Variants in ZNF280C observed in about 807,000 individuals in gnomAD.
ZNF280C encodes zinc finger protein 280C.
A neutral mutation model predicts 53.6 loss-of-function variants in ZNF280C; 14 were observed. The ratio of observed to expected loss-of-function variants is 0.26; its 90% confidence interval spans 0.17 to 0.41. ZNF280C has a LOEUF of 0.41. Among genes scored for constraint, ZNF280C ranks in the 10% least tolerant of loss-of-function variants. The pLI, the probability that ZNF280C is intolerant of heterozygous loss-of-function variation, is 1.00. For synonymous variants in ZNF280C, 203 were observed against 181.1 expected, an observed-to-expected ratio of 1.12 and a Z score of -0.97; for missense variants, 416 against 547.1, an observed-to-expected ratio of 0.76 and a Z score of 2.39.
chrX:130,212,617 T>G (rs1425647476), intron 15 of ZNF280C, among the ~76,000 whole-genome samples: 7 of 5,692 alleles, frequency 1.2e-3, no homozygotes, highest in Non-Finnish European at 2.3e-3. Context: ...GTAGGTGGCG[T>G]TGGGGGGTGG....
intron 10 of ZNF280C, among the ~76,000 whole-genome samples, chrX:130,228,317 CTT>C (rs2032241182): frequency 8.9e-6 from 1 of 111,879 alleles, no homozygotes; most frequent in Non-Finnish European, 1.9e-5. Flanking sequence ...GAGTCTCGCT[CTT>C]GTTGCCCAGG....
intron 2 of ZNF280C, among the ~76,000 whole-genome samples, chrX:130,250,660 G>A (rs774788475): frequency 8.9e-6 from 1 of 111,975 alleles, no homozygotes; most frequent in Non-Finnish European, 1.9e-5. Flanking sequence ...TCAAAAAAAG[G>A]TGAGAACCAG....
chrX:130,233,555 G>A (rs1481811812), intron 8 of ZNF280C, among the ~76,000 whole-genome samples: 2 of 105,905 alleles, frequency 1.9e-5, no homozygotes, highest in East Asian at 5.9e-4. Context: ...GGTGGAGGTT[G>A]CGGTTGTGGT....
Position 130,243,782 on chromosome X carries a change from A to T in ZNF280C, c.244+18T>A. 1 of 1,177,893 alleles carries T rather than the reference A, an allele frequency of 8.5e-7. No individual in the cohort carries two copies. ...AAATATTTAACTTTAAAATTGAAATACTACAGTAATACTGTACCTGGACTG... is the reference window on the plus strand; with the variant it reads ...AAATATTTAACTTTAAAATTGAAATTCTACAGTAATACTGTACCTGGACTG... On this transcript the variant is annotated intron_variant, in intron 4 of 18. Coordinates refer to ENST00000370978, the MANE Select transcript of ZNF280C (RefSeq NM_017666.5).
At chrX:130,255,754 A>G (rs1376165955) in intron 2 of ZNF280C, among the ~76,000 whole-genome samples, 1 of 111,583 alleles carries the variant, frequency 9.0e-6, no homozygotes, top group Non-Finnish European at 1.9e-5. Flanking sequence ...CAGGAGTTCG[A>G]GACCAGCATG....
intron 5 of ZNF280C, among the ~76,000 whole-genome samples, chrX:130,241,655 C>T (rs1017290363): frequency 5.4e-5 from 6 of 111,638 alleles, no homozygotes; most frequent in Non-Finnish European, 1.1e-4. Flanking sequence ...GTCCCAGCTA[C>T]TTAGGAGGCT....
chrX:130,260,670 G>A (rs992982193), intron 1 of ZNF280C, among the ~76,000 whole-genome samples: 1 of 111,787 alleles, frequency 8.9e-6, no homozygotes, highest in Non-Finnish European at 1.9e-5. Flanking sequence ...TGTGGATTTT[G>A]TTAAATTAAA....
intron 2 of ZNF280C, 119 bp from the exon 3 acceptor site, chrX:130,247,124 A>C: frequency 1.3e-6 from 1 of 766,179 alleles, no homozygotes; most frequent in Non-Finnish European, 1.8e-6. Flanking sequence ...TACTGACTTG[A>C]TATTTGTTTG....
intron 12 of ZNF280C, among the ~76,000 whole-genome samples, chrX:130,225,584 T>C (rs2032212764): frequency 9.1e-6 from 1 of 110,163 alleles, no homozygotes; most frequent in Non-Finnish European, 1.9e-5. Context: ...GGAACACTTA[T>C]TAACATCTGA....
chrX:130,215,927 T>C lies in ZNF280C; in HGVS notation c.1702A>G (p.Thr568Ala), dbSNP rs778527656. Residue 568 changes from threonine (T) to alanine (A), a missense_variant, in exon 14 of 19, where the codon ACT (threonine) becomes GCT (alanine). Transcript: ENST00000370978. ...SRSKTSKLHA[T>A]TSTASKVNTS... ...TTAACTTTACTTGCAGTGGATGTAG[T>C]TGCATGAAGCTTACTTGTCTTAGAT... 3.3e-6 allele frequency: 4 copies of C among 1,211,624 alleles called. No homozygotes were observed. Among genetic ancestry groups the C allele is most frequent in the East Asian group, 3.0e-5 (1 of 33,836 alleles).
chrX:130,222,750 C>T (rs2032181841), intron 12 of ZNF280C, among the ~76,000 whole-genome samples: 1 of 111,601 alleles, frequency 9.0e-6, no homozygotes, highest in Admixed American at 9.5e-5. Flanking sequence ...CTGCAACCTC[C>T]GTCTCCTGGG....
rs769081281 is a variant in ZNF280C at position 130,236,177 on chromosome X, A to G, written c.771+37T>C. 3 of 983,887 alleles carry G rather than the reference A, an allele frequency of 3.0e-6. No homozygotes were observed. The South Asian group carries it at 6.5e-5, about 21-fold the overall frequency. 81.1% of individuals were successfully genotyped at this position (983,887 alleles called of 1,213,427 possible). A position where few individuals can be genotyped will look rare whatever the true frequency, so the allele number is the denominator to read the frequency against. On this transcript the variant is annotated intron_variant, in intron 8 of 18. Coordinates refer to ENST00000370978, the MANE Select transcript of ZNF280C (RefSeq NM_017666.5). ...TTTCAATATTTTCAAGGATCTATAAAACATTTTTAACAATTGAACTTTGAA... is the reference window on the plus strand; with the variant it reads ...TTTCAATATTTTCAAGGATCTATAAGACATTTTTAACAATTGAACTTTGAA...
intron 2 of ZNF280C, among the ~76,000 whole-genome samples, chrX:130,255,141 CTT>C (rs754125713): frequency 1.5e-4 from 14 of 91,159 alleles, no homozygotes; most frequent in African/African-American, 5.2e-4. Context: ...CTTTTTTTTT[CTT>C]TTTTTTTTTT....
In ZNF280C at chrX:130,242,003, G is replaced by C. The variant is rs780113232; in HGVS notation, c.381+1560C>G. On this transcript the variant is annotated intron_variant, in intron 5 of 18. Coordinates refer to ENST00000370978, the MANE Select transcript of ZNF280C (RefSeq NM_017666.5). ...GTAATTCCACACTTTGGGAAGCCGGGGGGGGGCGGGTGGCAGATCACCTGA... is the reference window on the plus strand; with the variant it reads ...GTAATTCCACACTTTGGGAAGCCGGCGGGGGGCGGGTGGCAGATCACCTGA... Among the ~76,000 whole-genome samples, 127 of 95,495 alleles carry C rather than the reference G, an allele frequency of 1.3e-3. 5 individuals are homozygous for C. The South Asian group carries it at 0.015, about 11-fold the overall frequency. The allele number at this position is 95,495 out of a possible 115,157, so 82.9% of individuals were successfully genotyped here. A position where few individuals can be genotyped will look rare whatever the true frequency, so the allele number is the denominator to read the frequency against.
At chrX:130,216,465 G>C (rs2032105472) in intron 13 of ZNF280C, among the ~76,000 whole-genome samples, 1 of 111,911 alleles carries the variant, frequency 8.9e-6, no homozygotes. Context: ...CAACCAAAGA[G>C]AAAATAGATG....
Position 130,236,627 on chromosome X carries a change from G to A in ZNF280C, c.506C>T (p.Thr169Ile). The A allele has an allele frequency of 8.6e-7, 1 of 1,158,397 alleles. No homozygotes were observed. The highest frequency in any genetic ancestry group is 1.2e-6 in the Non-Finnish European group (1 of 857,768). Residue 169 changes from threonine to isoleucine, a missense_variant, in exon 7 of 19, where the codon ACT becomes ATT. Transcript: ENST00000370978. ...AGAAGGATGTTTCAACACATATGAAGTATTTTTCATACCTACAAAGATTTA... is the reference window on the plus strand; with the variant it reads ...AGAAGGATGTTTCAACACATATGAAATATTTTTCATACCTACAAAGATTTA... ...PAIFREGMKN[T>I]SYVLKHPSTS...
At chrX:130,256,689 G>C (rs2032575683) in intron 2 of ZNF280C, among the ~76,000 whole-genome samples, 1 of 110,735 alleles carries the variant, frequency 9.0e-6, no homozygotes, top group Admixed American at 9.6e-5. Flanking sequence ...GGTCAGGAGT[G>C]TGAGACCAGT....
chrX:130,220,410 T>C lies in ZNF280C; in HGVS notation c.1466A>G (p.Lys489Arg), dbSNP rs776545716. The C allele has an allele frequency of 8.3e-7, 1 of 1,204,170 alleles. No individual in the cohort carries two copies. The stretch of plus-strand genomic sequence containing the variant: ...CTTTATAAATGTACGATGCTGCGCC[T>C]TATGTTCAGCTTTCTCCTTGCTGGT... Reference protein sequence around the residue: ...FLTSKEKAEHKAQHRTFIKPK... With the variant: ...FLTSKEKAEHRAQHRTFIKPK... The change falls in exon 13 of 19, where the codon AAG (lysine) becomes AGG (arginine). Residue 489 changes from lysine (K) to arginine (R), a missense_variant. Lys to Arg is a conservative substitution (Grantham distance 26). This residue lies in a region of ZNF280C where 72 missense variants were observed against 168.8 expected (regional missense o/e 0.43). Transcript: ENST00000370978.
intron 16 of ZNF280C, among the ~76,000 whole-genome samples, chrX:130,207,994 A>T (rs1295337490): frequency 1.8e-5 from 2 of 111,975 alleles, no homozygotes; most frequent in African/African-American, 6.5e-5. Context: ...CATCACGGTC[A>T]TCTGTATAGG....
Sources: allele counts gnomAD v4.1 joint callset (sites outside exome capture counted in the v4.1 genomes callset), GRCh38; gene constraint gnomAD v4.1.1; regional missense constraint gnomAD v4.1.1; transcripts MANE v1.5; gene names NCBI Gene and HGNC (gene_info 2026-07-23, HGNC 2026-07-21).